Variants in FSHR observed in about 807,000 individuals in gnomAD.
The protein encoded by FSHR is follicle-stimulating hormone receptor.
Under a neutral mutation model 52.1 loss-of-function variants are expected in FSHR, and 46 were observed. The ratio of observed to expected loss-of-function variants is 0.88; its 90% CI spans 0.70 to 1.13. The LOEUF (loss-of-function observed/expected upper bound fraction) is 1.13, where lower values mean the gene tolerates loss of function less well. Among genes scored for constraint, FSHR ranks in the 50% most tolerant of loss-of-function variants. The pLI is 0.00. For synonymous variants in FSHR, 399 were observed against 309.6 expected (o/e 1.29, Z -3.03); for missense variants, 964 against 834.6 (o/e 1.16, Z -1.91).
At chr2:49,088,752 G>A (rs191211213) in intron 1 of FSHR, among the ~76,000 whole-genome samples, 12 of 152,252 alleles carry the variant, frequency 7.9e-5, no homozygotes, top group Non-Finnish European at 1.8e-4. Flanking sequence ...ATTAACTAGG[G>A]ATAAACTTCC....
intron 2 of FSHR, 82 bp downstream of exon 2, chr2:49,068,137 A>G: frequency 9.7e-7 from 1 of 1,026,590 alleles, no homozygotes; most frequent in Non-Finnish European, 1.5e-6. Flanking sequence ...TACTAAGTGC[A>G]GATAGTCATA....
chr2:49,130,552 G>A (rs963042619), intron 1 of FSHR, among the ~76,000 whole-genome samples: 5 of 152,180 alleles, frequency 3.3e-5, no homozygotes, highest in Admixed American at 6.6e-5. Flanking sequence ...TTTAGTGCAA[G>A]TCATTAATTT....
At chr2:49,134,032 C>A (rs1449026934) in intron 1 of FSHR, among the ~76,000 whole-genome samples, 1 of 152,214 alleles carries the variant, frequency 6.6e-6, no homozygotes, top group South Asian at 2.1e-4. Flanking sequence ...ACTAAAACAC[C>A]AAAAGCGATG....
chr2:49,108,379 G>T (rs1671308719), intron 1 of FSHR, among the ~76,000 whole-genome samples: 1 of 151,966 alleles, frequency 6.6e-6, no homozygotes, highest in African/African-American at 2.4e-5. Flanking sequence ...TATTGCTTTG[G>T]TTTCTCTGGA....
intron 1 of FSHR, among the ~76,000 whole-genome samples, chr2:49,100,559 A>G (rs751603787): frequency 2.0e-4 from 30 of 152,174 alleles, no homozygotes; most frequent in Non-Finnish European, 3.2e-4. Flanking sequence ...CCCTTACCCA[A>G]TCTTCCTACC....
intron 2 of FSHR, among the ~76,000 whole-genome samples, chr2:49,027,326 G>A (rs1227718090): frequency 6.6e-6 from 1 of 152,178 alleles, no homozygotes; most frequent in East Asian, 1.9e-4. Context: ...GTTTTCAAAT[G>A]AATAAAGTGT....
intron 2 of FSHR, among the ~76,000 whole-genome samples, chr2:49,059,377 T>C (rs915379230): frequency 1.3e-5 from 2 of 150,122 alleles, no homozygotes; most frequent in Non-Finnish European, 3.0e-5. Flanking sequence ...CAAAATATAA[T>C]ACAAAGTTAT....
intron 1 of FSHR, among the ~76,000 whole-genome samples, chr2:49,116,205 G>T (rs747448639): frequency 6.6e-6 from 1 of 152,106 alleles, no homozygotes; most frequent in Non-Finnish European, 1.5e-5. Context: ...AGCCATATTG[G>T]GAAATTTGGA....
intron 1 of FSHR, among the ~76,000 whole-genome samples, chr2:49,127,902 T>TCTTCTTCTTC (rs1476153675): frequency 2.8e-4 from 37 of 132,682 alleles, no homozygotes; most frequent in African/African-American, 1.1e-3. Flanking sequence ...CTTCTTCTTT[T>TCTTCTTCTTC]TTTTTTTTGA....
rs563299883 is a variant in FSHR at position 49,097,706 on chromosome 2, G to A, written c.153-29416C>T. ...GCAGATCACCCCTGCACTGTGAGAG[G>A]TACTGGTTTCTGAAGTTTAACATCG... On this transcript the variant is annotated intron_variant, in intron 1 of 9. Transcript: ENST00000406846. Among the ~76,000 whole-genome samples the A allele has an allele frequency of 2.0e-4, 31 of 152,304 alleles. No homozygotes were observed. In the South Asian group the frequency reaches 5.4e-3, roughly 26 times the overall value.
chr2:49,040,649 G>C (rs575160567), intron 2 of FSHR, among the ~76,000 whole-genome samples: 4 of 152,282 alleles, frequency 2.6e-5, no homozygotes, highest in African/African-American at 9.6e-5. Flanking sequence ...CATGAGTAGA[G>C]ATAAGAAGAT....
intron 2 of FSHR, among the ~76,000 whole-genome samples, chr2:49,044,659 C>T (rs1668594544): frequency 6.6e-6 from 1 of 152,116 alleles, no homozygotes; most frequent in Admixed American, 6.5e-5. Flanking sequence ...CATCCCCCTC[C>T]CCCAGCACTC....
At chr2:49,017,374 C>G (rs751543999) in intron 4 of FSHR, 115 bp downstream of exon 4, 4 of 765,806 alleles carry the variant, frequency 5.2e-6, no homozygotes, top group Non-Finnish European at 8.9e-6. Flanking sequence ...TTCTGCCCCC[C>G]ACCACCATCC....
chr2:49,137,310 G>T (rs564204744), intron 1 of FSHR, among the ~76,000 whole-genome samples: 6 of 151,990 alleles, frequency 3.9e-5, no homozygotes, highest in African/African-American at 1.4e-4. Flanking sequence ...CAAAACTTAT[G>T]TCTTGAAAAC....
intron 2 of FSHR, among the ~76,000 whole-genome samples, chr2:49,033,020 G>A (rs1435920440): frequency 6.6e-6 from 1 of 152,162 alleles, no homozygotes; most frequent in Non-Finnish European, 1.5e-5. Flanking sequence ...TTCACAATTT[G>A]CATATCTAAT....
chr2:49,134,641 A>G (rs867071858), intron 1 of FSHR, among the ~76,000 whole-genome samples: 1 of 152,346 alleles, frequency 6.6e-6, no homozygotes, highest in Middle Eastern at 3.4e-3. Context: ...CACTATTCAC[A>G]ATAGCAAAGA....
chr2:49,096,896 C>G (rs958885783), intron 1 of FSHR, among the ~76,000 whole-genome samples: 1 of 152,138 alleles, frequency 6.6e-6, no homozygotes, highest in Non-Finnish European at 1.5e-5. Flanking sequence ...TGCTCCTGCT[C>G]TGGCCATGTG....
rs746931420 is a variant in FSHR, at chr2:48,982,955, A to G, written c.625T>C (p.Leu209=). Residue 209 remains leucine (L), a synonymous_variant, in exon 8 of 10, where the codon TTG becomes CTG. Coordinates refer to ENST00000406846, the MANE Select transcript of FSHR (RefSeq NM_000145.4). ...GCTCCGTGGAAAACATCATTAGGCA[A>G]TTCTTCTAAATTATTATTATCGCTT... ...NLSDNNNLEE[L]PNDVFHGASG... The G allele has an allele frequency of 3.1e-6, 5 of 1,614,152 alleles. No individual in the cohort carries two copies. The East Asian group carries it at 8.9e-5, about 29-fold the overall frequency.
intron 1 of FSHR, among the ~76,000 whole-genome samples, chr2:49,089,630 T>C (rs1385868265): frequency 6.6e-6 from 1 of 152,112 alleles, no homozygotes; most frequent in East Asian, 1.9e-4. Flanking sequence ...TATAATAGGA[T>C]CAAAACCTTG....
Sources: allele counts gnomAD v4.1 joint callset (sites outside exome capture counted in the v4.1 genomes callset), GRCh38; gene constraint gnomAD v4.1.1; transcripts MANE v1.5; gene names NCBI Gene and HGNC (gene_info 2026-07-23, HGNC 2026-07-21).